DNAH9: variants seen among roughly 807,000 people sequenced by gnomAD.
DNAH9 encodes DNAH9 variant protein.
A neutral mutation model predicts 471.6 loss-of-function variants in DNAH9; 345 were observed. The ratio of observed to expected loss-of-function variants is 0.73; its 90% CI spans 0.67 to 0.80. The LOEUF is 0.80. Among genes scored for constraint, DNAH9 ranks in the 30% least tolerant of loss-of-function variants. The pLI is 0.00. For synonymous variants in DNAH9, 2,093 were observed against 2,123.6 expected, an observed-to-expected ratio of 0.99 and a Z score of 0.40; for missense variants, 5,407 against 5,609.2, an observed-to-expected ratio of 0.96 and a Z score of 1.15.
intron 50 of DNAH9, among the ~76,000 whole-genome samples, chr17:11,867,006 G>A (rs968998242): frequency 5.3e-5 from 8 of 152,310 alleles, no homozygotes; most frequent in South Asian, 4.1e-4. Context: ...GCTTCAGCTC[G>A]CGCATGGTGC....
At chr17:11,826,998 T>C (rs1424915409) in intron 48 of DNAH9, among the ~76,000 whole-genome samples, 1 of 151,930 alleles carries the variant, frequency 6.6e-6, no homozygotes, top group Non-Finnish European at 1.5e-5. Flanking sequence ...CTAATTTTTG[T>C]ATTTTTAGTA....
intron 49 of DNAH9, among the ~76,000 whole-genome samples, chr17:11,852,244 T>G (rs1456527480): frequency 6.6e-6 from 1 of 152,192 alleles, no homozygotes; most frequent in Non-Finnish European, 1.5e-5. Flanking sequence ...GTCCCCCCAC[T>G]GACAAAGTTA....
chr17:11,660,280 A>G (rs957893832), intron 14 of DNAH9, among the ~76,000 whole-genome samples: 1 of 138,874 alleles, frequency 7.2e-6, no homozygotes, highest in South Asian at 2.3e-4. Flanking sequence ...TACAAATTTG[A>G]TCTACCTCAT....
rs1353658534 is a variant in DNAH9, at chr17:11,745,095, T to C, written c.6399+11T>C. The C allele has an allele frequency of 3.7e-6, 6 of 1,600,384 alleles. No homozygotes were observed. The Admixed American group carries it at 5.1e-5, about 14-fold the overall frequency. On this transcript the variant is annotated intron_variant, in intron 31 of 68. Coordinates refer to ENST00000262442, the MANE Select transcript of DNAH9 (RefSeq NM_001372.4). The stretch of plus-strand genomic sequence containing the variant: ...AACTTTGTGCTCAAGGTACATGTGG[T>C]TTTTCCTCCCAGGATTTCTCTATCT...
In DNAH9 at chr17:11,932,995, C is replaced by T. The variant is rs1567559806; in HGVS notation, c.12297+790C>T. 1.3e-5 allele frequency among the ~76,000 whole-genome samples: 2 copies of T among 152,182 alleles called. No homozygotes were observed. Among genetic ancestry groups the T allele is most frequent in the South Asian group, 2.1e-4 (1 of 4,822 alleles). On this transcript the variant is annotated intron_variant, in intron 64 of 68. Transcript: ENST00000262442. This position sits in a 1 kb window ranked among gnomAD's most constrained non-coding sequence, Gnocchi z 4.3. ...CACCACCTCTTCCTCGTGGGGAAAA[C>T]GAACCAGGCCCAGATGCCCTGAGAA... is the stretch of plus-strand genomic sequence containing the variant.
chr17:11,774,341 G>T (rs1378086173), intron 38 of DNAH9, among the ~76,000 whole-genome samples: 1 of 151,956 alleles, frequency 6.6e-6, no homozygotes, highest in Non-Finnish European at 1.5e-5. Flanking sequence ...CCTTTCTTTG[G>T]CAACTTACTT....
chr17:11,740,613 T>C (rs1156883936), intron 29 of DNAH9, among the ~76,000 whole-genome samples: 1 of 152,230 alleles, frequency 6.6e-6, no homozygotes, highest in Admixed American at 6.5e-5. Context: ...GAAGGAAATT[T>C]GGAAATAAAC....
chr17:11,708,241 A>G (rs772583091), intron 26 of DNAH9, among the ~76,000 whole-genome samples: 11 of 152,152 alleles, frequency 7.2e-5, no homozygotes, highest in Admixed American at 1.3e-4. Flanking sequence ...TAATCATCAA[A>G]TGAATGAATG....
At chr17:11,600,760 G>A (rs1394621021) in intron 1 of DNAH9, among the ~76,000 whole-genome samples, 1 of 152,118 alleles carries the variant, frequency 6.6e-6, no homozygotes, top group Non-Finnish European at 1.5e-5. Flanking sequence ...GGGATTACAG[G>A]TGTGAGCCAC....
intron 48 of DNAH9, among the ~76,000 whole-genome samples, chr17:11,830,074 A>C (rs926331596): frequency 1.3e-5 from 2 of 152,158 alleles, no homozygotes; most frequent in African/African-American, 4.8e-5. Flanking sequence ...CTGACAAAAC[A>C]TCCTGGTGAA....
intron 5 of DNAH9, among the ~76,000 whole-genome samples, chr17:11,618,492 A>G (rs978599736): frequency 6.6e-6 from 1 of 151,570 alleles, no homozygotes; most frequent in Non-Finnish European, 1.5e-5. Flanking sequence ...AGGCTGAGGC[A>G]GGAGAATCGC....
intron 61 of DNAH9, among the ~76,000 whole-genome samples, chr17:11,915,465 A>G (rs1417269740): frequency 2.0e-5 from 3 of 152,144 alleles, no homozygotes; most frequent in Non-Finnish European, 4.4e-5. Context: ...CGGAGGTTGC[A>G]ATGAGCCAAG....
intron 47 of DNAH9, 46 bp downstream of exon 47, chr17:11,822,645 G>A (rs755985031): frequency 2.5e-6 from 4 of 1,607,794 alleles, no homozygotes; most frequent in East Asian, 4.5e-5. Context: ...CCCAGATGAG[G>A]GTACAATGAA....
chr17:11,761,739 C>A (rs983155320), intron 35 of DNAH9, among the ~76,000 whole-genome samples: 1 of 152,094 alleles, frequency 6.6e-6, no homozygotes, highest in Non-Finnish European at 1.5e-5. Context: ...CTCGGAGTAA[C>A]CCTATTGAAG....
At chr17:11,688,094 AAAAAAAG>A (rs1258811757) in intron 19 of DNAH9, among the ~76,000 whole-genome samples, 16 of 143,548 alleles carry the variant, frequency 1.1e-4, no homozygotes, top group African/African-American at 2.7e-4. Flanking sequence ...AAAAAAAAAA[AAAAAAAG>A]AAAAAGCCAT....
intron 1 of DNAH9, among the ~76,000 whole-genome samples, chr17:11,601,985 C>T (rs950656947): frequency 6.6e-6 from 1 of 152,068 alleles, no homozygotes; most frequent in Admixed American, 6.5e-5. Flanking sequence ...GGAAAATGTG[C>T]CTAAGAAATG....
chr17:11,836,596 G>T (rs1021513374), intron 49 of DNAH9, among the ~76,000 whole-genome samples: 10 of 152,016 alleles, frequency 6.6e-5, no homozygotes, highest in African/African-American at 2.2e-4. Context: ...CTTCTCTCTG[G>T]CCCCTCACAG....
intron 1 of DNAH9, among the ~76,000 whole-genome samples, chr17:11,605,674 A>G (rs1190234190): frequency 1.4e-5 from 2 of 145,054 alleles, no homozygotes; most frequent in Non-Finnish European, 3.0e-5. Flanking sequence ...CAATTTTTCT[A>G]TTTTTTTTTT....
At chr17:11,829,326 T>G (rs775385665) in intron 48 of DNAH9, among the ~76,000 whole-genome samples, 5 of 152,184 alleles carry the variant, frequency 3.3e-5, no homozygotes, top group African/African-American at 7.2e-5. Context: ...GGAGGCTAAA[T>G]GAACATTATA....
Sources: gnomAD v4.1 joint callset for allele counts (sites outside exome capture counted in the v4.1 genomes callset) on GRCh38, gnomAD v4.1.1 for gene constraint, Gnocchi (gnomAD v3.1) non-coding constraint, MANE v1.5 for transcripts, NCBI Gene and HGNC (gene_info 2026-07-23, HGNC 2026-07-21) for gene names.